JAZF1: variants seen among roughly 807,000 people sequenced by gnomAD.
JAZF1 encodes JAZF zinc finger 1.
A neutral mutation model predicts 26.4 loss-of-function variants in JAZF1; 8 were observed. The ratio of observed to expected loss-of-function variants is 0.30; its 90% CI spans 0.18 to 0.55. The LOEUF (loss-of-function observed/expected upper bound fraction) is 0.55. JAZF1 is among the 20% of genes least tolerant of loss of function. JAZF1 has a pLI of 0.94. For synonymous variants in JAZF1, 126 were observed against 122.3 expected (o/e 1.03, Z -0.20); for missense variants, 199 against 322.0 (o/e 0.62, Z 2.92).
chr7:28,036,523 C>G (rs530556548), intron 1 of JAZF1, among the ~76,000 whole-genome samples: 1 of 152,348 alleles, frequency 6.6e-6, no homozygotes, highest in East Asian at 1.9e-4. Flanking sequence ...CAACCTCACT[C>G]TGCAGGCAGC....
intron 1 of JAZF1, among the ~76,000 whole-genome samples, chr7:28,179,821 G>A (rs1310513697): frequency 2.2e-5 from 3 of 134,238 alleles, no homozygotes; most frequent in East Asian, 2.6e-4. Context: ...CCCTCCCGAC[G>A]CACCACACCT....
chr7:27,899,947 G>T (rs577447987), intron 2 of JAZF1, among the ~76,000 whole-genome samples: 10 of 152,212 alleles, frequency 6.6e-5, no homozygotes, highest in Non-Finnish European at 1.3e-4. Context: ...CTGGGGAAAT[G>T]CAGTGAGAAC....
chr7:28,080,702 T>C (rs79109639), intron 1 of JAZF1, among the ~76,000 whole-genome samples: 2,306 of 152,262 alleles, frequency 0.015, 65 homozygotes, highest in African/African-American at 0.053. Context: ...GACCTGTTGA[T>C]AGAGCAGTCA....
intron 1 of JAZF1, among the ~76,000 whole-genome samples, chr7:28,023,795 G>A (rs1465013880): frequency 2.0e-5 from 3 of 152,198 alleles, no homozygotes; most frequent in Non-Finnish European, 2.9e-5. Context: ...GACAATGACA[G>A]CCCAATGTAA....
At chr7:27,935,576 G>A (rs1784753644) in intron 2 of JAZF1, among the ~76,000 whole-genome samples, 3 of 152,110 alleles carry the variant, frequency 2.0e-5, no homozygotes, top group South Asian at 2.1e-4. Flanking sequence ...TAATGTGTAC[G>A]TGGTTTGAGA....
intron 1 of JAZF1, among the ~76,000 whole-genome samples, chr7:28,177,370 C>T (rs868111925): frequency 2.0e-5 from 3 of 152,200 alleles, no homozygotes; most frequent in Admixed American, 6.5e-5. Context: ...TAAGCATACA[C>T]ATATAAGATA....
chr7:28,095,434 C>T (rs1039238014), intron 1 of JAZF1, among the ~76,000 whole-genome samples: 1 of 151,960 alleles, frequency 6.6e-6, no homozygotes, highest in Non-Finnish European at 1.5e-5. Flanking sequence ...GGGGAGGAGC[C>T]CCTTACAAAG....
chr7:27,971,336 G>A (rs185809198), intron 2 of JAZF1, among the ~76,000 whole-genome samples: 66 of 152,262 alleles, frequency 4.3e-4, no homozygotes, highest in African/African-American at 1.3e-3. Flanking sequence ...GGATGGGGGC[G>A]CCTTACAGGG....
chr7:27,992,008 T>G (rs753505303), intron 1 of JAZF1, 27 bp from the exon 2 acceptor site: 4 of 1,394,562 alleles, frequency 2.9e-6, no homozygotes, highest in Non-Finnish European at 4.1e-6. Flanking sequence ...ATTACGATTT[T>G]TTTTAGATTT....
intron 1 of JAZF1, among the ~76,000 whole-genome samples, chr7:27,995,807 T>C (rs1583499087): frequency 1.3e-5 from 2 of 152,088 alleles, no homozygotes; most frequent in East Asian, 3.9e-4. Flanking sequence ...TAACTTATGG[T>C]TTTACAGACT....
chr7:28,113,421 G>A (rs1222294136), intron 1 of JAZF1, among the ~76,000 whole-genome samples: 1 of 152,148 alleles, frequency 6.6e-6, no homozygotes, highest in African/African-American at 2.4e-5. Flanking sequence ...TAACACTGCT[G>A]CTGAGGAGCA....
At chr7:27,876,275 A>G (rs1227745019) in intron 3 of JAZF1, among the ~76,000 whole-genome samples, 1 of 152,210 alleles carries the variant, frequency 6.6e-6, no homozygotes, top group African/African-American at 2.4e-5. Flanking sequence ...CTAATACAGC[A>G]TAATTCCTGA....
rs1460260477 is a variant in JAZF1, at chr7:27,886,855, G to A, written c.385+8365C>T. On this transcript the variant is annotated intron_variant, in intron 3 of 4. Coordinates refer to ENST00000283928, the MANE Select transcript of JAZF1 (RefSeq NM_175061.4). ...GCAAAGACATGGAATCAACCCAGAT[G>A]CCCATCAATGATAGACTGGATAAAG... Among the ~76,000 whole-genome samples, 3 of 152,182 alleles carry A rather than the reference G, an allele frequency of 2.0e-5. No individual in the cohort carries two copies. In the East Asian group the frequency reaches 5.8e-4, roughly 29 times the overall value.
At chr7:27,926,870 G>A (rs775869405) in intron 2 of JAZF1, among the ~76,000 whole-genome samples, 2 of 152,166 alleles carry the variant, frequency 1.3e-5, no homozygotes, top group Non-Finnish European at 2.9e-5. Context: ...AAGAGGTAAG[G>A]TTTCTAGAAG....
chr7:28,010,084 T>C (rs1782773490), intron 1 of JAZF1, among the ~76,000 whole-genome samples: 1 of 150,070 alleles, frequency 6.7e-6, no homozygotes, highest in Admixed American at 6.7e-5. Flanking sequence ...TCCCGTCCTC[T>C]GCACATACCT....
intron 1 of JAZF1, among the ~76,000 whole-genome samples, chr7:28,102,063 G>A (rs898311195): frequency 2.0e-5 from 3 of 152,086 alleles, no homozygotes; most frequent in African/African-American, 7.3e-5. Flanking sequence ...CTGAGTGGGA[G>A]GCAGGGCACC....
At chr7:27,951,964 A>G (rs1305493953) in intron 2 of JAZF1, among the ~76,000 whole-genome samples, 1 of 152,106 alleles carries the variant, frequency 6.6e-6, no homozygotes, top group African/African-American at 2.4e-5. Context: ...GAAACTACAA[A>G]AGCCTACTCT....
intron 1 of JAZF1, among the ~76,000 whole-genome samples, chr7:28,142,328 A>G (rs780748087): frequency 3.9e-5 from 6 of 152,156 alleles, no homozygotes; most frequent in Admixed American, 3.3e-4. Flanking sequence ...AACAATTCCA[A>G]CAAAGGTACT....
intron 1 of JAZF1, among the ~76,000 whole-genome samples, chr7:28,162,664 C>G (rs1451385712): frequency 6.6e-6 from 1 of 152,212 alleles, no homozygotes; most frequent in African/African-American, 2.4e-5. Context: ...CCCTTTAAGT[C>G]TTGCAGACAC....
Sources: allele counts gnomAD v4.1 joint callset (sites outside exome capture counted in the v4.1 genomes callset), GRCh38; gene constraint gnomAD v4.1.1; transcripts MANE v1.5; gene names NCBI Gene and HGNC (gene_info 2026-07-23, HGNC 2026-07-21).